APBA1: variants seen among roughly 807,000 people sequenced by gnomAD.
APBA1 encodes the protein amyloid-beta A4 precursor protein-binding family A member 1.
Under a neutral mutation model 86.6 loss-of-function variants are expected in APBA1, and 55 were observed. The ratio of observed to expected loss-of-function variants is 0.64; its 90% CI spans 0.51 to 0.80. The LOEUF (loss-of-function observed/expected upper bound fraction) is 0.80, where lower values mean the gene tolerates loss of function less well. APBA1 is among the 30% of genes least tolerant of loss of function. The pLI is 0.00. For synonymous variants in APBA1, 511 were observed against 493.9 expected, an observed-to-expected ratio of 1.03 and a Z score of -0.46; for missense variants, 1,090 against 1,183.0, an observed-to-expected ratio of 0.92 and a Z score of 1.15.
chr9:69,533,755 A>T (rs1348465560), intron 1 of APBA1, among the ~76,000 whole-genome samples: 2 of 152,218 alleles, frequency 1.3e-5, no homozygotes, highest in Non-Finnish European at 2.9e-5. Context: ...CTATCAGTTC[A>T]CTGATGGATA....
intron 1 of APBA1, among the ~76,000 whole-genome samples, chr9:69,584,636 A>G (rs1821983210): frequency 6.6e-6 from 1 of 152,254 alleles, no homozygotes; most frequent in Admixed American, 6.5e-5. Context: ...CCAAGTACAG[A>G]GTAAGCATTC....
intron 1 of APBA1, among the ~76,000 whole-genome samples, chr9:69,608,528 A>T (rs1310566535): frequency 6.6e-6 from 1 of 152,166 alleles, no homozygotes; most frequent in Non-Finnish European, 1.5e-5. Flanking sequence ...GGGAAGAGGG[A>T]CCACTGCTTG....
intron 1 of APBA1, among the ~76,000 whole-genome samples, chr9:69,549,178 C>T (rs13283450): frequency 6.6e-6 from 1 of 152,008 alleles, no homozygotes; most frequent in African/African-American, 2.4e-5. Context: ...AGGGGAAGGC[C>T]GTTGCAGGCT....
intron 1 of APBA1, among the ~76,000 whole-genome samples, chr9:69,656,500 T>C (rs1288547775): frequency 1.3e-5 from 2 of 152,206 alleles, no homozygotes; most frequent in Non-Finnish European, 2.9e-5. Context: ...GCAGATGAAG[T>C]TAAGAACAGG....
At chr9:69,469,136 C>T (rs1835327277) in intron 4 of APBA1, among the ~76,000 whole-genome samples, 1 of 152,216 alleles carries the variant, frequency 6.6e-6, no homozygotes, top group African/African-American at 2.4e-5. Context: ...GCTGAGATTA[C>T]AGGCATGAAC....
In APBA1 at chr9:69,432,525, ACCT is replaced by A; in HGVS notation, c.2442+8_2442+10del. On this transcript the variant is annotated splice_region_variant and intron_variant, in intron 12 of 12. Transcript: ENST00000265381. ...CCCTCAGCACCACCCTCAGCCCCGG[ACCT>A]CTCCTACCTCCCCAACAGCATTGGA... 1.3e-6 allele frequency: 2 copies of A among 1,525,154 alleles called. No individual in the cohort carries two copies. Among genetic ancestry groups the A allele is most frequent in the Non-Finnish European group, 1.8e-6 (2 of 1,132,528 alleles). 94.5% of individuals were successfully genotyped at this position (1,525,154 alleles called of 1,614,324 possible).
chr9:69,500,515 AT>A lies in APBA1; in HGVS notation c.1200+15495del, dbSNP rs554308756. ...ACTGTGAGCCAAATATTTACATACG[AT>A]GGACACTCTGAGCAGCGCATCTGTG... On this transcript the variant is annotated intron_variant, in intron 2 of 12. Transcript: ENST00000265381. Among the ~76,000 whole-genome samples the A allele has an allele frequency of 2.2e-3, 332 of 152,240 alleles. 1 individual carries two copies. Among genetic ancestry groups the A allele is most frequent in the African/African-American group, 7.7e-3 (320 of 41,546 alleles).
chr9:69,442,266 T>C lies in APBA1; in HGVS notation c.2182-1151A>G, dbSNP rs116516338. 4.9e-3 allele frequency among the ~76,000 whole-genome samples: 751 copies of C among 152,276 alleles called. 4 individuals are homozygous for C. Among genetic ancestry groups the C allele is most frequent in the African/African-American group, 0.017 (695 of 41,558 alleles). On this transcript the variant is annotated intron_variant, in intron 10 of 12. Coordinates refer to ENST00000265381, the MANE Select transcript of APBA1 (RefSeq NM_001163.4). ...CAAGTCATGGTATGCAGGAGGATCATGTTTGCATGCTGGGGTAAACAGACC... is the reference window on the plus strand; with the variant it reads ...CAAGTCATGGTATGCAGGAGGATCACGTTTGCATGCTGGGGTAAACAGACC...
At chr9:69,669,358 CAACAAAACAA>C (rs891148401) in intron 1 of APBA1, among the ~76,000 whole-genome samples, 4 of 151,840 alleles carry the variant, frequency 2.6e-5, no homozygotes, top group African/African-American at 4.8e-5. Flanking sequence ...AACACAATAA[CAACAAAACAA>C]AACAAAACAA....
At chr9:69,496,048 G>A (rs1032056841) in intron 2 of APBA1, among the ~76,000 whole-genome samples, 5 of 152,048 alleles carry the variant, frequency 3.3e-5, no homozygotes, top group African/African-American at 1.2e-4. Context: ...TCCTACATTG[G>A]GCTCAAGAGC....
intron 1 of APBA1, among the ~76,000 whole-genome samples, chr9:69,647,172 G>C (rs1811639710): frequency 6.6e-6 from 1 of 152,154 alleles, no homozygotes; most frequent in Non-Finnish European, 1.5e-5. Context: ...GGTTTCATTA[G>C]TGGCAAGACA....
chr9:69,630,756 T>C (rs979073770), intron 1 of APBA1, among the ~76,000 whole-genome samples: 14 of 152,186 alleles, frequency 9.2e-5, no homozygotes, highest in African/African-American at 2.7e-4. Context: ...GTGGCCTTTC[T>C]TCAGCTTCTC....
At chr9:69,540,158 A>ACAACAAC (rs1554698954) in intron 1 of APBA1, among the ~76,000 whole-genome samples, 2 of 148,346 alleles carry the variant, frequency 1.3e-5, no homozygotes, top group Admixed American at 6.7e-5. Flanking sequence ...AACAACAACA[A>ACAACAAC]AAGTCACCTT....
At chr9:69,570,512 C>G (rs944781510) in intron 1 of APBA1, among the ~76,000 whole-genome samples, 3 of 152,148 alleles carry the variant, frequency 2.0e-5, no homozygotes, top group African/African-American at 4.8e-5. Flanking sequence ...CTTTAAGCAT[C>G]TCTTTTTCTG....
At chr9:69,672,665 C>CGA (rs1823981517), upstream of APBA1, 1 of 151,598 alleles carries the variant, frequency 6.6e-6, no homozygotes, top group African/African-American at 2.4e-5. Flanking sequence ...CCTTCCCTCG[C>CGA]GTCCGGGTTC....
intron 5 of APBA1, among the ~76,000 whole-genome samples, chr9:69,467,336 T>TAG (rs1487851202): frequency 6.6e-6 from 1 of 152,216 alleles, no homozygotes; most frequent in Non-Finnish European, 1.5e-5. Context: ...GACCTTAGAC[T>TAG]AGCCAGGTTA....
rs138179284 is a variant in APBA1 at position 69,476,118 on chromosome 9, G to C, written c.1226C>G (p.Pro409Arg). ...TGTGCTTGATGACTCTGCACCCAAGGGGGAGGAGCTGCCAGGAGACGGAGA... is the reference window on the plus strand; with the variant it reads ...TGTGCTTGATGACTCTGCACCCAAGCGGGAGGAGCTGCCAGGAGACGGAGA... ...GDSPSPGSSS[P>R]LGAESSSTSL... Residue 409 changes from proline (P) to arginine (R), a missense_variant, in exon 3 of 13, where the codon CCC becomes CGC. Coordinates refer to ENST00000265381, the MANE Select transcript of APBA1 (RefSeq NM_001163.4). The C allele has an allele frequency of 2.2e-5, 36 of 1,613,824 alleles. No homozygotes were observed. The highest frequency in any genetic ancestry group is 2.5e-5 in the Non-Finnish European group (29 of 1,179,956).
At chr9:69,533,576 T>C (rs7851858) in intron 1 of APBA1, among the ~76,000 whole-genome samples, 92,173 of 152,018 alleles carry the variant, frequency 0.61, 28,585 homozygotes, top group Non-Finnish European at 0.67. Context: ...TGCTGCCATG[T>C]TGGTACTCAA....
chr9:69,609,341 C>T (rs778276608), intron 1 of APBA1, among the ~76,000 whole-genome samples: 1 of 152,140 alleles, frequency 6.6e-6, no homozygotes, highest in Non-Finnish European at 1.5e-5. Context: ...CACAACTTTG[C>T]ACAAAGGCCA....
Sources: gnomAD v4.1 joint callset for allele counts (sites outside exome capture counted in the v4.1 genomes callset) on GRCh38, gnomAD v4.1.1 for gene constraint, MANE v1.5 for transcripts, NCBI Gene and HGNC (gene_info 2026-07-23, HGNC 2026-07-21) for gene names.